The following MBLAC2 variants were observed in gnomAD, a reference collection of about 807,000 sequenced individuals.
MBLAC2 encodes the protein metallo-beta-lactamase domain containing 2, also known as acyl-coenzyme A thioesterase MBLAC2.
Under a neutral mutation model 23.3 loss-of-function variants are expected in MBLAC2, and 24 were observed. That is an observed-to-expected ratio of 1.03 (90% CI 0.75 to 1.45). The LOEUF is 1.45. MBLAC2 is among the 40% of genes most tolerant of loss of function. The pLI, the probability that MBLAC2 is intolerant of heterozygous loss-of-function variation, is 0.00. For synonymous variants in MBLAC2, 162 were observed against 150.9 expected, an observed-to-expected ratio of 1.07 and a Z score of -0.54; for missense variants, 358 against 370.0, an observed-to-expected ratio of 0.97 and a Z score of 0.27.
In MBLAC2 at chr5:90,473,928, T is replaced by C. The variant is rs369710732; in HGVS notation, c.365A>G (p.Asp122Gly). 29 of 1,605,664 alleles carry C rather than the reference T, an allele frequency of 1.8e-5. No homozygotes were observed. In the Middle Eastern group the frequency reaches 5.0e-4, roughly 27 times the overall value. The change falls in exon 1 of 2, where the codon GAT becomes GGT. Residue 122 changes from aspartate (D) to glycine (G), a missense_variant. Transcript: ENST00000316610. ...DNFETVTWLS[D>G]SEVVRTPSPG... ...GCTGGGCGTCCGCACCACCTCGCTA[T>C]CGGAAAGCCAGGTCACGGTCTCAAA...
At chr5:90,471,071 C>A (rs1317248993) in intron 1 of MBLAC2, among the ~76,000 whole-genome samples, 8 of 152,160 alleles carry the variant, frequency 5.3e-5, no homozygotes. Context: ...CCTTTGCTGG[C>A]ATAGTATAAA....
rs1283700508 is a variant in MBLAC2 at position 90,458,417 on chromosome 5, GATTAAGT to G, written c.*2743_*2749del. On this transcript the variant is annotated 3_prime_UTR_variant, in exon 2 of 2. Coordinates refer to ENST00000316610, the MANE Select transcript of MBLAC2 (RefSeq NM_203406.2). ...CGAGTAAGGAAAATGAATTTCCAGT[GATTAAGT>G]ATTAACAATATAAATAATAAAAATT... is the stretch of plus-strand genomic sequence containing the variant. The G allele has an allele frequency of 7.9e-5, 12 of 152,190 alleles. 1 individual carries two copies. Among genetic ancestry groups the G allele is most frequent in the African/African-American group, 2.2e-4 (9 of 41,536 alleles). The allele number at this position is 152,190 out of a possible 1,614,324, so 9.4% of individuals were successfully genotyped here. A position where few individuals can be genotyped will look rare whatever the true frequency, so the allele number is the denominator to read the frequency against.
At chr5:90,472,875 TG>T (rs931821057) in intron 1 of MBLAC2, 1 of 152,198 alleles carries the variant, frequency 6.6e-6, no homozygotes, top group Non-Finnish European at 1.5e-5. Flanking sequence ...GCCATTTAAC[TG>T]GGGGGTCAGT....
At chr5:90,467,849 G>A (rs1750476090) in intron 1 of MBLAC2, among the ~76,000 whole-genome samples, 1 of 152,026 alleles carries the variant, frequency 6.6e-6, no homozygotes, top group Admixed American at 6.6e-5. Context: ...GTATTTCAAA[G>A]TTTTCTTTCA....
At chr5:90,466,352 C>G (rs1750445537) in intron 1 of MBLAC2, among the ~76,000 whole-genome samples, 1 of 152,202 alleles carries the variant, frequency 6.6e-6, no homozygotes, top group South Asian at 2.1e-4. Context: ...ACCCTTACTT[C>G]ACAAATATTC....
chr5:90,471,410 C>T (rs529016072), intron 1 of MBLAC2, among the ~76,000 whole-genome samples: 1 of 151,726 alleles, frequency 6.6e-6, no homozygotes, highest in East Asian at 1.9e-4. Context: ...TATGCCCACT[C>T]GAGAGGTATG....
rs1750362074 is a variant in MBLAC2 at position 90,461,291 on chromosome 5, C to T, written c.716G>A (p.Arg239Lys). Residue 239 changes from arginine (R) to lysine (K), a missense_variant, in exon 2 of 2, where the codon AGG becomes AAG. Coordinates refer to ENST00000316610, the MANE Select transcript of MBLAC2 (RefSeq NM_203406.2). ...ATAGTTAGAAGCCAATCGAAAAAGCCTTTCAGCACCAAAGGTATTGAAGTG... is the reference window on the plus strand; with the variant it reads ...ATAGTTAGAAGCCAATCGAAAAAGCTTTTCAGCACCAAAGGTATTGAAGTG... ...PGHFNTFGAE[R>K]LFRLASNYIS... is the part of the protein sequence containing the mutation. 6.2e-7 allele frequency: 1 copy of T among 1,614,016 alleles called. No homozygotes were observed. The highest frequency in any genetic ancestry group is 1.7e-5 in the Admixed American group (1 of 59,990).
chr5:90,462,633 C>T (rs1363957274), intron 1 of MBLAC2, among the ~76,000 whole-genome samples: 1 of 151,910 alleles, frequency 6.6e-6, no homozygotes, highest in African/African-American at 2.4e-5. Context: ...AAGAATATTA[C>T]TAAAAAGAAG....
chr5:90,473,455 A>C (rs2151893284), intron 1 of MBLAC2: 1 of 560,532 alleles, frequency 1.8e-6, no homozygotes, highest in South Asian at 2.3e-5. Flanking sequence ...ATTCCTTAAA[A>C]GTCTGCTCAC....
chr5:90,461,446 A>C lies in MBLAC2; in HGVS notation c.561T>G (p.Ser187Arg). 1 of 1,614,198 alleles carries C rather than the reference A, an allele frequency of 6.2e-7. No individual in the cohort carries two copies. Among genetic ancestry groups the C allele is most frequent in the Non-Finnish European group, 8.5e-7 (1 of 1,180,020 alleles). The stretch of plus-strand genomic sequence containing the variant: ...GTGATCCATCATACACGACGTCTCC[A>C]CTGAAGAGAATCTTTCGGTCTTTGT... ...LHDKDRKILF[S>R]GDVVYDGSLI... The change falls in exon 2 of 2, where the codon AGT becomes AGG. Residue 187 changes from serine to arginine, a missense_variant. By Grantham distance (110) the Ser-to-Arg change is moderately radical (BLOSUM62 -1). Coordinates refer to ENST00000316610, the MANE Select transcript of MBLAC2 (RefSeq NM_203406.2).
chr5:90,473,257 T>C (rs1300369424), intron 1 of MBLAC2: 1 of 179,624 alleles, frequency 5.6e-6, no homozygotes, highest in Non-Finnish European at 1.1e-5. Flanking sequence ...GCTTTTGCAA[T>C]CGTGAGGCAA....
intron 1 of MBLAC2, among the ~76,000 whole-genome samples, chr5:90,464,928 T>C (rs1439085884): frequency 6.6e-6 from 1 of 152,190 alleles, no homozygotes; most frequent in East Asian, 1.9e-4. Flanking sequence ...GTAATACCTC[T>C]TTGAATAGAA....
At position 90,474,626 on chromosome 5, in the gene MBLAC2, T is replaced by A. The variant is rs1385682928; in HGVS notation, c.-334A>T. ...GGGGCCACTGCAGCAGAATGGAGACTCAGGTGGCGACCGTTTCGCCACCCC... is the reference window on the plus strand; with the variant it reads ...GGGGCCACTGCAGCAGAATGGAGACACAGGTGGCGACCGTTTCGCCACCCC... On this transcript the variant is annotated 5_prime_UTR_variant, in exon 1 of 2. Transcript: ENST00000316610. 1 of 333,910 alleles carries A rather than the reference T, an allele frequency of 3.0e-6. No homozygotes were observed. The highest frequency in any genetic ancestry group is 5.6e-6 in the Non-Finnish European group (1 of 180,054). 20.7% of individuals were successfully genotyped at this position (333,910 alleles called of 1,614,324 possible). A position where few individuals can be genotyped will look rare whatever the true frequency, so the allele number is the denominator to read the frequency against.
At chr5:90,469,802 A>G (rs776975963) in intron 1 of MBLAC2, among the ~76,000 whole-genome samples, 3 of 152,244 alleles carry the variant, frequency 2.0e-5, no homozygotes, top group Non-Finnish European at 4.4e-5. Flanking sequence ...TAGTACAGCA[A>G]CTACGGAAAA....
intron 1 of MBLAC2, chr5:90,473,086 G>A (rs1750592027): frequency 6.6e-6 from 1 of 152,132 alleles, no homozygotes; most frequent in Non-Finnish European, 1.5e-5. Context: ...GTCTTTCACA[G>A]AGCCAAAGAG....
At chr5:90,464,138 C>A (rs188574762) in intron 1 of MBLAC2, among the ~76,000 whole-genome samples, 4 of 152,292 alleles carry the variant, frequency 2.6e-5, no homozygotes, top group African/African-American at 9.6e-5. Flanking sequence ...CTTCATTGAT[C>A]AATTCTGTCA....
intron 1 of MBLAC2, 24 bp downstream of exon 1, chr5:90,473,814 GC>G (rs1750623985): frequency 6.4e-7 from 1 of 1,550,772 alleles, no homozygotes; most frequent in Admixed American, 1.9e-5. Context: ...CTTAACGAGA[GC>G]GCGCGCCCGC....
chr5:90,461,415 C>T lies in MBLAC2; in HGVS notation c.592G>A (p.Asp198Asn). 1 of 1,614,152 alleles carries T rather than the reference C, an allele frequency of 6.2e-7. No individual in the cohort carries two copies. The highest frequency in any genetic ancestry group is 1.1e-5 in the South Asian group (1 of 91,078). ...CTTATCCTGCTGTATGGGAGCCAGT[C>T]AATCAGTGATCCATCATACACGACG... ...GDVVYDGSLI[D>N]WLPYSRISDY... The change falls in exon 2 of 2, where the codon GAC becomes AAC. Residue 198 changes from aspartate to asparagine, a missense_variant. Physicochemically the swap from Asp to Asn is conservative, Grantham distance 23. Transcript: ENST00000316610.
At chr5:90,472,586 C>T (rs572898571) in intron 1 of MBLAC2, 2 of 152,058 alleles carry the variant, frequency 1.3e-5, no homozygotes, top group East Asian at 3.9e-4. Flanking sequence ...GTGAGATAAA[C>T]TGATTTTTGT....
Sources: allele counts gnomAD v4.1 joint callset (sites outside exome capture counted in the v4.1 genomes callset), GRCh38; gene constraint gnomAD v4.1.1; transcripts MANE v1.5; gene names NCBI Gene and HGNC (gene_info 2026-07-23, HGNC 2026-07-21).